The following KITLG variants were observed in gnomAD, a reference collection of about 807,000 sequenced individuals.
KITLG encodes the protein c-Kit ligand.
Under a neutral mutation model 34.1 loss-of-function variants are expected in KITLG, and 13 were observed. That is an observed-to-expected ratio of 0.38 (90% CI 0.25 to 0.61). The LOEUF (loss-of-function observed/expected upper bound fraction) is 0.61, where lower values mean the gene tolerates loss of function less well. Ranked by LOEUF, KITLG falls within the 20% of genes least tolerant of loss-of-function variation. KITLG has a pLI of 0.60. For synonymous variants in KITLG, 110 were observed against 104.0 expected, an observed-to-expected ratio of 1.06 and a Z score of -0.35; for missense variants, 292 against 318.9, an observed-to-expected ratio of 0.92 and a Z score of 0.64.
chr12:88,549,457 TC>T (rs1461977102), intron 1 of KITLG, among the ~76,000 whole-genome samples: 4 of 152,126 alleles, frequency 2.6e-5, no homozygotes, highest in Admixed American at 2.6e-4. Context: ...GTGGTTAGAT[TC>T]TGGACATCTT....
In KITLG at chr12:88,497,122, C is replaced by G. The variant is rs1039814530; in HGVS notation, c.*97G>C. The G allele has an allele frequency of 2.2e-6, 1 of 447,948 alleles. No homozygotes were observed. Among genetic ancestry groups the G allele is most frequent in the East Asian group, 7.2e-5 (1 of 13,928 alleles). 27.7% of individuals were successfully genotyped at this position (447,948 alleles called of 1,614,324 possible). On this transcript the variant is annotated 3_prime_UTR_variant, in exon 10 of 10. Transcript: ENST00000644744. ...TAAAGATGTGGTCTGTCACTCCAGACAGAATATGAATTTGTTTAAAGCTGC... is the reference window on the plus strand; with the variant it reads ...TAAAGATGTGGTCTGTCACTCCAGAGAGAATATGAATTTGTTTAAAGCTGC...
chr12:88,537,919 G>A (rs1389906312), intron 2 of KITLG, among the ~76,000 whole-genome samples: 3 of 152,132 alleles, frequency 2.0e-5, no homozygotes, highest in Admixed American at 2.0e-4. Flanking sequence ...AGGTTCTGGA[G>A]ACAGACCACT....
chr12:88,541,784 G>A (rs1398074607), intron 2 of KITLG, among the ~76,000 whole-genome samples: 3 of 152,110 alleles, frequency 2.0e-5, no homozygotes, highest in Admixed American at 6.6e-5. Flanking sequence ...CACGGGGACC[G>A]TGGGGGCAGT....
At chr12:88,523,761 T>G (rs1180312102) in intron 3 of KITLG, among the ~76,000 whole-genome samples, 1 of 152,140 alleles carries the variant, frequency 6.6e-6, no homozygotes. Flanking sequence ...CTCCGAAATC[T>G]TAACTTCTCT....
At chr12:88,533,609 A>G (rs924578482) in intron 2 of KITLG, among the ~76,000 whole-genome samples, 2 of 152,156 alleles carry the variant, frequency 1.3e-5, no homozygotes, top group African/African-American at 4.8e-5. Flanking sequence ...TTAAGATAAC[A>G]TATATTAAAA....
In KITLG at chr12:88,503,296, C is replaced by G. The variant is rs576775881; in HGVS notation, c.*37+1863G>C. ...ATACAGGAGGCAAGATAATTTATGA[C>G]TCAGTTCCACTGAAGAAGATTAAGT... On this transcript the variant is annotated intron_variant, in intron 9 of 9. Coordinates refer to ENST00000644744, the MANE Select transcript of KITLG (RefSeq NM_000899.5). 1.6e-4 allele frequency among the ~76,000 whole-genome samples: 25 copies of G among 152,300 alleles called. No individual in the cohort carries two copies. In the South Asian group the frequency reaches 3.5e-3, roughly 21 times the overall value.
intron 3 of KITLG, among the ~76,000 whole-genome samples, chr12:88,523,352 A>G (rs1008137081): frequency 2.6e-5 from 4 of 152,200 alleles, no homozygotes; most frequent in African/African-American, 9.6e-5. Flanking sequence ...GAAACGCGAG[A>G]AACCAGGACT....
At chr12:88,515,723 C>A in intron 5 of KITLG, 106 bp from the exon 6 acceptor site, 1 of 779,774 alleles carries the variant, frequency 1.3e-6, no homozygotes, top group Non-Finnish European at 2.2e-6. Flanking sequence ...GGTCTGCTTC[C>A]CAAATCTAGA....
intron 6 of KITLG, among the ~76,000 whole-genome samples, chr12:88,508,272 T>C (rs1017884398): frequency 6.6e-6 from 1 of 152,110 alleles, no homozygotes; most frequent in African/African-American, 2.4e-5. Flanking sequence ...ATGAAACTTA[T>C]TTTGACAGAT....
At chr12:88,553,021 C>G (rs1177846542) in intron 1 of KITLG, among the ~76,000 whole-genome samples, 2 of 152,138 alleles carry the variant, frequency 1.3e-5, no homozygotes, top group African/African-American at 4.8e-5. Flanking sequence ...GGCTAGGAAA[C>G]CAGAAGACAA....
At position 88,497,065 on chromosome 12, in the gene KITLG, A is replaced by C. The variant is rs1868667295; in HGVS notation, c.*154T>G. On this transcript the variant is annotated 3_prime_UTR_variant, in exon 10 of 10. Transcript: ENST00000644744. ...AACATTCTGTTCCAATTTCTGAATC[A>C]TCCATATAAAGTCATGGGTAGCAAG... The C allele has an allele frequency of 2.7e-6, 1 of 375,184 alleles. No individual in the cohort carries two copies. Among genetic ancestry groups the C allele is most frequent in the Non-Finnish European group, 5.3e-6 (1 of 188,228 alleles). The allele number at this position is 375,184 out of a possible 1,614,324, so 23.2% of individuals were successfully genotyped here.
intron 9 of KITLG, among the ~76,000 whole-genome samples, chr12:88,504,705 G>A (rs1176425884): frequency 2.6e-5 from 4 of 152,170 alleles, no homozygotes; most frequent in African/African-American, 9.7e-5. Flanking sequence ...AGTCAGTGTG[G>A]TGATTCCTCA....
chr12:88,567,764 T>C (rs1871494073), intron 1 of KITLG, among the ~76,000 whole-genome samples: 1 of 152,196 alleles, frequency 6.6e-6, no homozygotes, highest in African/African-American at 2.4e-5. Flanking sequence ...AATGCCCTTC[T>C]TATGCATTAG....
chr12:88,523,471 C>G (rs537986090), intron 3 of KITLG, among the ~76,000 whole-genome samples: 26 of 152,252 alleles, frequency 1.7e-4, no homozygotes, highest in African/African-American at 6.0e-4. Context: ...CACGTCTGGA[C>G]CAGACACGAT....
At chr12:88,524,724 C>A (rs368006536) in intron 3 of KITLG, among the ~76,000 whole-genome samples, 7 of 151,874 alleles carry the variant, frequency 4.6e-5, no homozygotes, top group East Asian at 3.9e-4. Context: ...GAAGACGGGC[C>A]CCTGTGCTGT....
At chr12:88,502,989 T>C (rs1322772985) in intron 9 of KITLG, among the ~76,000 whole-genome samples, 3 of 151,934 alleles carry the variant, frequency 2.0e-5, no homozygotes, top group Non-Finnish European at 4.4e-5. Context: ...TGGTTTCAGC[T>C]TGGGAAATAT....
chr12:88,551,942 C>A (rs1870929676), intron 1 of KITLG, among the ~76,000 whole-genome samples: 3 of 151,954 alleles, frequency 2.0e-5, no homozygotes. Flanking sequence ...GAGAGAGGTG[C>A]GATGATGGAA....
chr12:88,528,304 A>G (rs1869955979), intron 3 of KITLG, among the ~76,000 whole-genome samples: 1 of 152,166 alleles, frequency 6.6e-6, no homozygotes, highest in Admixed American at 6.5e-5. Context: ...TCAGAGTGGG[A>G]CCACCTGGAT....
intron 1 of KITLG, among the ~76,000 whole-genome samples, chr12:88,563,332 TA>T (rs977453053): frequency 1.3e-5 from 2 of 152,196 alleles, no homozygotes; most frequent in Non-Finnish European, 2.9e-5. Context: ...ACAATGTTCA[TA>T]AAACTGAATC....
Sources: allele counts gnomAD v4.1 joint callset (sites outside exome capture counted in the v4.1 genomes callset), GRCh38; gene constraint gnomAD v4.1.1; transcripts MANE v1.5; gene names NCBI Gene and HGNC (gene_info 2026-07-23, HGNC 2026-07-21).